Variants in ITGBL1 observed in about 807,000 individuals in gnomAD.
The protein encoded by ITGBL1 is integrin beta-like protein 1.
In ITGBL1, 51 loss-of-function variants were observed where a neutral mutation model predicts 68.5. The observed-to-expected ratio is 0.74, with a 90% CI of 0.59 to 0.94. The LOEUF is 0.94. Ranked by LOEUF, ITGBL1 falls within the 40% of genes least tolerant of loss-of-function variation. ITGBL1 has a pLI of 0.00. For synonymous variants in ITGBL1, 209 were observed against 227.3 expected (o/e 0.92, Z 0.72); for missense variants, 649 against 647.4 (o/e 1.00, Z -0.03).
intron 6 of ITGBL1, among the ~76,000 whole-genome samples, chr13:101,585,345 G>A (rs2050534438): frequency 1.3e-5 from 2 of 152,184 alleles, no homozygotes; most frequent in African/African-American, 4.8e-5. Context: ...GTGAGTCAGG[G>A]TCAGGGTTAA....
At chr13:101,720,853 C>T (rs2034925866), downstream of ITGBL1, 2 of 152,050 alleles carry the variant, frequency 1.3e-5, no homozygotes, top group African/African-American at 4.8e-5. Context: ...TCTACTCAAA[C>T]GTTCTGCTAA....
rs1284400468 is a variant in ITGBL1 at position 101,716,295 on chromosome 13, A to T, written c.*641A>T. On this transcript the variant is annotated 3_prime_UTR_variant, in exon 11 of 11. Coordinates refer to ENST00000376180, the MANE Select transcript of ITGBL1 (RefSeq NM_004791.3). ...GAGTGGGGCTGGATCAAGGGCAAAA[A>T]CTGGTCATTAAGTCATCTGACATTA... The T allele has an allele frequency of 6.6e-6, 1 of 152,140 alleles. No individual in the cohort carries two copies. The highest frequency in any genetic ancestry group is 6.5e-5 in the Admixed American group (1 of 15,274). 9.4% of individuals were successfully genotyped at this position (152,140 alleles called of 1,614,324 possible). A position where few individuals can be genotyped will look rare whatever the true frequency, so the allele number is the denominator to read the frequency against.
chr13:101,549,912 T>C (rs571095683), intron 2 of ITGBL1, among the ~76,000 whole-genome samples: 112 of 152,246 alleles, frequency 7.4e-4, no homozygotes, highest in South Asian at 1.5e-3. Flanking sequence ...ATTCAACATA[T>C]AATAATTGAT....
intron 3 of ITGBL1, among the ~76,000 whole-genome samples, chr13:101,572,360 G>A (rs1020658525): frequency 6.6e-5 from 10 of 152,196 alleles, no homozygotes; most frequent in African/African-American, 1.9e-4. Context: ...TGTTCCAGAG[G>A]CTAACTTTGT....
intron 9 of ITGBL1, 73 bp downstream of exon 9, chr13:101,706,975 T>C: frequency 6.7e-7 from 1 of 1,497,154 alleles, no homozygotes. Context: ...ATGTAGCAAC[T>C]GTCTTTCCCA....
intron 7 of ITGBL1, among the ~76,000 whole-genome samples, chr13:101,631,599 C>A (rs2031980824): frequency 6.6e-6 from 1 of 152,092 alleles, no homozygotes; most frequent in Admixed American, 6.5e-5. Context: ...GTCAAATGAG[C>A]TAACTATAGG....
intron 2 of ITGBL1, among the ~76,000 whole-genome samples, chr13:101,525,808 A>G (rs919179520): frequency 1.3e-5 from 2 of 152,042 alleles, no homozygotes; most frequent in Admixed American, 1.3e-4. Flanking sequence ...TTTAAGCAGT[A>G]ATACCTCTAT....
At chr13:101,647,023 A>T (rs2139443077) in intron 7 of ITGBL1, among the ~76,000 whole-genome samples, 1 of 152,148 alleles carries the variant, frequency 6.6e-6, no homozygotes, top group African/African-American at 2.4e-5. Flanking sequence ...ATTATGTATT[A>T]CTCTTGTTTT....
In ITGBL1 at chr13:101,696,509, T is replaced by A. The variant is rs147544378; in HGVS notation, c.1132+3808T>A. The stretch of plus-strand genomic sequence containing the variant: ...GTTGCTCCCTTTGGAACATATCCCT[T>A]GGGTATGTTAGTTCCCTCTCCTAGT... On this transcript the variant is annotated intron_variant, in intron 8 of 10. Transcript: ENST00000376180. Among the ~76,000 whole-genome samples, 381 of 152,278 alleles carry A rather than the reference T, an allele frequency of 2.5e-3. 1 individual carries two copies. The highest frequency in any genetic ancestry group is 0.017 in the Middle Eastern group (5 of 294).
At chr13:101,627,147 C>T (rs1175650927) in intron 7 of ITGBL1, among the ~76,000 whole-genome samples, 2 of 152,140 alleles carry the variant, frequency 1.3e-5, no homozygotes, top group Non-Finnish European at 2.9e-5. Context: ...CTTTCATTTT[C>T]ACTGCTTCTC....
intron 7 of ITGBL1, among the ~76,000 whole-genome samples, chr13:101,686,753 T>C (rs942542997): frequency 6.6e-6 from 1 of 152,082 alleles, no homozygotes; most frequent in Admixed American, 6.6e-5. Flanking sequence ...CTGGAAGGGC[T>C]TCAGACGAAT....
intron 4 of ITGBL1, among the ~76,000 whole-genome samples, chr13:101,578,371 A>G (rs902574266): frequency 6.6e-6 from 1 of 152,212 alleles, no homozygotes; most frequent in Admixed American, 6.5e-5. Flanking sequence ...ACAAACTCCT[A>G]TAATACAGAA....
intron 8 of ITGBL1, among the ~76,000 whole-genome samples, chr13:101,703,862 T>C (rs112702590): frequency 6.6e-5 from 10 of 152,314 alleles, no homozygotes; most frequent in Non-Finnish European, 1.3e-4. Flanking sequence ...TGGAAGATTT[T>C]ACAAAAGCTT....
intron 6 of ITGBL1, among the ~76,000 whole-genome samples, chr13:101,588,236 TG>T (rs1378205669): frequency 1.3e-5 from 2 of 152,114 alleles, no homozygotes; most frequent in Non-Finnish European, 2.9e-5. Flanking sequence ...ATGGGTATTT[TG>T]GGCTGCAGTC....
chr13:101,607,086 T>A (rs2030902574), intron 7 of ITGBL1, among the ~76,000 whole-genome samples: 2 of 151,972 alleles, frequency 1.3e-5, no homozygotes, highest in South Asian at 4.1e-4. Context: ...TGCATATATT[T>A]TATAAATGAT....
Position 101,453,980 on chromosome 13 carries a change from C to A in ITGBL1, c.196C>A (p.Arg66=). The A allele has an allele frequency of 6.5e-7, 1 of 1,537,830 alleles. No homozygotes were observed. The highest frequency in any genetic ancestry group is 8.8e-7 in the Non-Finnish European group (1 of 1,140,564). Residue 66 remains arginine, a synonymous_variant, in exon 2 of 11, where the codon CGG becomes AGG. Coordinates refer to ENST00000376180, the MANE Select transcript of ITGBL1 (RefSeq NM_004791.3). ...QPPGAALCHG[R]GRCDCGVCIC... ...CCCGGGGGCCGCGCTGTGCCACGGC[C>A]GGGGCCGCTGCGACTGCGGCGTCTG...
At chr13:101,559,478 T>G (rs532743847) in intron 2 of ITGBL1, among the ~76,000 whole-genome samples, 1 of 152,336 alleles carries the variant, frequency 6.6e-6, no homozygotes, top group Non-Finnish European at 1.5e-5. Context: ...AATTTACTGT[T>G]ATAGTTCTTT....
At chr13:101,661,923 G>A (rs2033099574) in intron 7 of ITGBL1, among the ~76,000 whole-genome samples, 2 of 152,076 alleles carry the variant, frequency 1.3e-5, no homozygotes, top group South Asian at 4.1e-4. Context: ...AATACATCAT[G>A]GGCAAGTAAT....
Position 101,598,234 on chromosome 13 carries a change from C to T in ITGBL1, c.950C>T (p.Thr317Met), listed in dbSNP as rs201534595. ...AAGTGTGAGCACCCACAGTCCTGCACGCTGTCAGCTGAGGAGAGCATCAGG... is the reference window on the plus strand; with the variant it reads ...AAGTGTGAGCACCCACAGTCCTGCATGCTGTCAGCTGAGGAGAGCATCAGG... Reference protein sequence around the residue: ...GKKCEHPQSCTLSAEESIRKC... With the variant: ...GKKCEHPQSCMLSAEESIRKC... The change falls in exon 7 of 11, where the codon ACG becomes ATG. Residue 317 changes from threonine (T) to methionine (M), a missense_variant. Coordinates refer to ENST00000376180, the MANE Select transcript of ITGBL1 (RefSeq NM_004791.3). 1.1e-5 allele frequency: 17 copies of T among 1,613,786 alleles called. No individual in the cohort carries two copies. The highest frequency in any genetic ancestry group is 3.3e-5 in the Admixed American group (2 of 59,950).
Sources: gnomAD v4.1 joint callset for allele counts (sites outside exome capture counted in the v4.1 genomes callset) on GRCh38, gnomAD v4.1.1 for gene constraint, MANE v1.5 for transcripts, NCBI Gene and HGNC (gene_info 2026-07-23, HGNC 2026-07-21) for gene names.